Variants in MKLN1 observed in about 807,000 individuals in gnomAD.
MKLN1 encodes muskelin.
Under a neutral mutation model 99.0 loss-of-function variants are expected in MKLN1, and 18 were observed. That is an observed-to-expected ratio of 0.18 (90% CI 0.13 to 0.27). MKLN1 has a LOEUF of 0.27. Among genes scored for constraint, MKLN1 ranks in the 10% least tolerant of loss-of-function variants. The probability of loss-of-function intolerance (pLI) is 1.00; values close to 1 mark genes in which losing one functional copy is unlikely to be tolerated. For missense variants in MKLN1, 621 were observed against 875.9 expected (o/e 0.71, Z 3.67); for synonymous variants, 288 against 293.2 (o/e 0.98, Z 0.18).
intron 1 of MKLN1, among the ~76,000 whole-genome samples, chr7:131,332,808 T>C (rs1268792654): frequency 1.3e-5 from 2 of 152,096 alleles, no homozygotes; most frequent in Non-Finnish European, 2.9e-5. Context: ...CTGTCACCCA[T>C]GCTGGAGTAC....
intron 16 of MKLN1, 47 bp from the exon 17 acceptor site, chr7:131,478,576 G>T: frequency 6.8e-7 from 1 of 1,471,996 alleles, no homozygotes; most frequent in South Asian, 1.4e-5. Context: ...AGTGCACTTA[G>T]CCAGCTAATT....
chr7:131,403,959 C>T (rs1794627703), intron 6 of MKLN1, among the ~76,000 whole-genome samples: 1 of 152,218 alleles, frequency 6.6e-6, no homozygotes, highest in Non-Finnish European at 1.5e-5. Flanking sequence ...ATCTGTGAAG[C>T]GTGGTCAAGC....
chr7:131,186,482 TG>T (rs1448035472), intron 2 of MKLN1, among the ~76,000 whole-genome samples: 1 of 152,124 alleles, frequency 6.6e-6, no homozygotes, highest in African/African-American at 2.4e-5. Flanking sequence ...CCCTCTGGGC[TG>T]GGAGATAGTT....
intron 2 of MKLN1, among the ~76,000 whole-genome samples, chr7:131,146,611 G>A (rs1244154211): frequency 6.6e-6 from 1 of 152,128 alleles, no homozygotes; most frequent in Non-Finnish European, 1.5e-5. Flanking sequence ...TTTATTAAGT[G>A]AAAAGAATGA....
chr7:131,346,768 T>TA (rs1046732763), intron 1 of MKLN1, among the ~76,000 whole-genome samples: 3 of 152,348 alleles, frequency 2.0e-5, no homozygotes, highest in African/African-American at 7.2e-5. Context: ...AATAATCTAT[T>TA]ATTTTGGGCC....
At chr7:131,306,298 T>C (rs1444750292) in intron 3 of MKLN1, among the ~76,000 whole-genome samples, 1 of 152,198 alleles carries the variant, frequency 6.6e-6, no homozygotes, top group Non-Finnish European at 1.5e-5. Flanking sequence ...GGCACTGCTA[T>C]AAAGATACCT....
intron 1 of MKLN1, among the ~76,000 whole-genome samples, chr7:131,139,892 A>G (rs1795706372): frequency 6.6e-6 from 1 of 152,210 alleles, no homozygotes; most frequent in Non-Finnish European, 1.5e-5. Context: ...CAGACAGGCC[A>G]TGTCCTTCAA....
chr7:131,380,882 C>G (rs1793827078), intron 2 of MKLN1, among the ~76,000 whole-genome samples: 1 of 152,108 alleles, frequency 6.6e-6, no homozygotes, highest in South Asian at 2.1e-4. Flanking sequence ...TCTGGTTATT[C>G]ACAGTAGTTA....
chr7:131,466,945 A>G (rs1388167373), intron 15 of MKLN1, among the ~76,000 whole-genome samples: 1 of 152,124 alleles, frequency 6.6e-6, no homozygotes, highest in Admixed American at 6.6e-5. Flanking sequence ...GCACACACGC[A>G]CGCAGGCACC....
chr7:131,345,239 G>A (rs550960837), intron 1 of MKLN1, among the ~76,000 whole-genome samples: 15 of 152,314 alleles, frequency 9.8e-5, no homozygotes, highest in African/African-American at 3.6e-4. Flanking sequence ...CTTAAGACCG[G>A]AAGTGTTTTG....
chr7:131,287,104 C>T (rs1798143193), intron 3 of MKLN1, among the ~76,000 whole-genome samples: 1 of 132,712 alleles, frequency 7.5e-6, no homozygotes, highest in South Asian at 2.3e-4. Context: ...GAAACCCTGT[C>T]TCAAAACAAA....
In MKLN1 at chr7:131,470,871, T is replaced by G; in HGVS notation, c.1958T>G (p.Leu653Arg). Residue 653 changes from leucine (L) to arginine (R), a missense_variant, in exon 16 of 18, where the codon CTT becomes CGT. Leu to Arg is a moderately radical substitution (Grantham distance 102, BLOSUM62 -2). Coordinates refer to ENST00000352689, the MANE Select transcript of MKLN1 (RefSeq NM_013255.5). ...RFEEKAQVDP[L>R]SALKYLQNDL... Reference sequence around the variant, plus strand: ...GAAGAAAAGGCCCAAGTGGATCCCCTTAGTGCTCTGAAATATTTACAAAAT... The same window carrying G: ...GAAGAAAAGGCCCAAGTGGATCCCCGTAGTGCTCTGAAATATTTACAAAAT... 1 of 1,612,854 alleles carries G rather than the reference T, an allele frequency of 6.2e-7. No individual in the cohort carries two copies. Among genetic ancestry groups the G allele is most frequent in the East Asian group, 2.2e-5 (1 of 44,834 alleles).
chr7:131,235,137 A>G (rs1563261915), intron 3 of MKLN1, among the ~76,000 whole-genome samples: 1 of 152,068 alleles, frequency 6.6e-6, no homozygotes, highest in African/African-American at 2.4e-5. Context: ...ATCAGTTGAT[A>G]CAAAAAGACG....
intron 2 of MKLN1, among the ~76,000 whole-genome samples, chr7:131,183,672 GT>G (rs1402967702): frequency 6.6e-6 from 1 of 152,154 alleles, no homozygotes; most frequent in Non-Finnish European, 1.5e-5. Flanking sequence ...GTATGTGCAG[GT>G]GCCTGAGAAT....
chr7:131,303,661 T>C (rs541320461), intron 3 of MKLN1, among the ~76,000 whole-genome samples: 5 of 152,346 alleles, frequency 3.3e-5, no homozygotes, highest in Admixed American at 3.3e-4. Flanking sequence ...ATGCACGCAC[T>C]TGAGAATTGT....
intron 3 of MKLN1, among the ~76,000 whole-genome samples, chr7:131,215,652 T>C (rs758434560): frequency 6.6e-6 from 1 of 152,230 alleles, no homozygotes; most frequent in South Asian, 2.1e-4. Context: ...TTAATTCTGA[T>C]TTTATTTTCA....
At chr7:131,203,988 G>A (rs536511493) in intron 3 of MKLN1, among the ~76,000 whole-genome samples, 88 of 152,290 alleles carry the variant, frequency 5.8e-4, no homozygotes, top group Non-Finnish European at 1.2e-4. Context: ...GAGTCTTGGG[G>A]AATTTAAGTC....
intron 3 of MKLN1, among the ~76,000 whole-genome samples, chr7:131,203,713 CTAA>C (rs1203438682): frequency 6.6e-6 from 1 of 152,206 alleles, no homozygotes; most frequent in African/African-American, 2.4e-5. Flanking sequence ...TTCTGTGAAT[CTAA>C]TAAGTGCCCT....
At chr7:131,264,154 C>T (rs1797774243) in intron 3 of MKLN1, among the ~76,000 whole-genome samples, 1 of 152,046 alleles carries the variant, frequency 6.6e-6, no homozygotes, top group Non-Finnish European at 1.5e-5. Flanking sequence ...CAGAATTTAG[C>T]CATAGACAAA....
Sources: allele counts gnomAD v4.1 joint callset (sites outside exome capture counted in the v4.1 genomes callset), GRCh38; gene constraint gnomAD v4.1.1; transcripts MANE v1.5; gene names NCBI Gene and HGNC (gene_info 2026-07-23, HGNC 2026-07-21).